Variants in RYR2 observed in about 807,000 individuals in gnomAD.
The protein encoded by RYR2 is ryanodine receptor 2.
RYR2 carries 227 observed loss-of-function variants against 601.1 expected under a neutral mutation model. The observed-to-expected ratio is 0.38, with a 90% CI of 0.34 to 0.42. The LOEUF is 0.42. Among genes scored for constraint, RYR2 ranks in the 10% least tolerant of loss-of-function variants. RYR2 has a pLI of 1.00. For synonymous variants in RYR2, 2,223 were observed against 2,175.1 expected (o/e 1.02, Z -0.61); for missense variants, 4,646 against 6,156.5 (o/e 0.75, Z 8.21).
chr1:237,241,630 A>C (rs1020410909), intron 1 of RYR2, among the ~76,000 whole-genome samples: 9 of 152,234 alleles, frequency 5.9e-5, no homozygotes, highest in African/African-American at 1.7e-4. Flanking sequence ...CTCCATAGGC[A>C]GAGCAGCTCC....
At chr1:237,397,724 C>CTTT (rs71561869) in intron 10 of RYR2, among the ~76,000 whole-genome samples, 5 of 140,996 alleles carry the variant, frequency 3.5e-5, no homozygotes, top group East Asian at 2.1e-4. Flanking sequence ...AATTTGGTAT[C>CTTT]TTTTTTTTTT....
intron 2 of RYR2, among the ~76,000 whole-genome samples, chr1:237,296,002 T>A (rs1692741683): frequency 6.6e-6 from 1 of 152,228 alleles, no homozygotes; most frequent in Non-Finnish European, 1.5e-5. Context: ...AGTAAGGTGA[T>A]GGGTCTGTTG....
chr1:237,074,216 C>T (rs1664731396), intron 1 of RYR2, among the ~76,000 whole-genome samples: 1 of 152,108 alleles, frequency 6.6e-6, no homozygotes, highest in Non-Finnish European at 1.5e-5. Context: ...ACTTGGGAGG[C>T]TGAGGCAGGA....
chr1:237,551,848 T>C (rs1670438978), intron 27 of RYR2, among the ~76,000 whole-genome samples: 1 of 152,312 alleles, frequency 6.6e-6, no homozygotes, highest in Admixed American at 6.5e-5. Flanking sequence ...CAGTAACTCT[T>C]ATGAGGATGA....
intron 60 of RYR2, among the ~76,000 whole-genome samples, chr1:237,675,448 C>T (rs1416801054): frequency 9.2e-5 from 14 of 152,190 alleles, no homozygotes; most frequent in Admixed American, 8.5e-4. Flanking sequence ...GGTCCTCCCA[C>T]ATTGTTGAAT....
intron 1 of RYR2, among the ~76,000 whole-genome samples, chr1:237,095,898 G>A (rs186697407): frequency 6.6e-6 from 1 of 152,354 alleles, no homozygotes; most frequent in Admixed American, 6.5e-5. Flanking sequence ...TGACCTTGAA[G>A]TCTGGGCATT....
At chr1:237,290,222 C>T (rs534320057) in intron 2 of RYR2, among the ~76,000 whole-genome samples, 21 of 152,226 alleles carry the variant, frequency 1.4e-4, no homozygotes, top group South Asian at 8.3e-4. Context: ...ATGGATGCAA[C>T]GCAAAATCTT....
chr1:237,606,403 A>G (rs1256256365), intron 35 of RYR2, among the ~76,000 whole-genome samples: 1 of 152,208 alleles, frequency 6.6e-6, no homozygotes, highest in African/African-American at 2.4e-5. Flanking sequence ...CTTACACCTT[A>G]TACAAAAATT....
intron 10 of RYR2, among the ~76,000 whole-genome samples, chr1:237,388,739 A>T (rs1702140568): frequency 6.6e-6 from 1 of 152,222 alleles, no homozygotes; most frequent in Non-Finnish European, 1.5e-5. Flanking sequence ...CACAAATATT[A>T]CAAAACCATA....
chr1:237,550,337 G>T (rs916459356), intron 26 of RYR2, among the ~76,000 whole-genome samples: 1 of 152,034 alleles, frequency 6.6e-6, no homozygotes, highest in Non-Finnish European at 1.5e-5. Context: ...TCATGGAGAG[G>T]GTCTGCTTTC....
intron 29 of RYR2, among the ~76,000 whole-genome samples, chr1:237,589,316 A>T (rs1674888745): frequency 6.6e-6 from 1 of 152,146 alleles, no homozygotes; most frequent in Admixed American, 6.6e-5. Flanking sequence ...TGAGCTATGT[A>T]TGAGGAAATC....
intron 5 of RYR2, 109 bp downstream of exon 5, chr1:237,364,481 A>T: frequency 6.3e-6 from 3 of 478,690 alleles, no homozygotes; most frequent in Non-Finnish European, 7.2e-6. Context: ...TATATATATG[A>T]CAGATATATA....
chr1:237,565,179 CTTTCTTTCTTTCTTT>C (rs1559035859), intron 27 of RYR2, among the ~76,000 whole-genome samples: 27,890 of 120,166 alleles, frequency 0.23, 3,839 homozygotes, highest in East Asian at 0.4. Context: ...TTCTTTCTTT[CTTTCTTTCTTTCTTT>C]CTTTCTTTCT....
chr1:237,109,793 G>C lies in RYR2; in HGVS notation c.48+67224G>C, dbSNP rs572536796. Among the ~76,000 whole-genome samples the C allele has an allele frequency of 3.3e-5, 5 of 151,968 alleles. No homozygotes were observed. In the South Asian group the frequency reaches 1.0e-3, roughly 32 times the overall value. On this transcript the variant is annotated intron_variant, in intron 1 of 104. Coordinates refer to ENST00000366574, the MANE Select transcript of RYR2 (RefSeq NM_001035.3). ...CGGAAATTTACATGATTGCCAACCT[G>C]ACTACTGATATTTTCCAAGGAAGAT...
chr1:237,597,713 G>T (rs923465058), intron 34 of RYR2, among the ~76,000 whole-genome samples: 11 of 152,060 alleles, frequency 7.2e-5, no homozygotes, highest in African/African-American at 2.4e-4. Flanking sequence ...AAAGGGAAAG[G>T]TATCAAAGCT....
At chr1:237,740,068 T>C (rs1484815102) in intron 79 of RYR2, among the ~76,000 whole-genome samples, 1 of 152,242 alleles carries the variant, frequency 6.6e-6, no homozygotes, top group Admixed American at 6.5e-5. Context: ...TTTAGCATTC[T>C]GATCCAGAAA....
intron 2 of RYR2, among the ~76,000 whole-genome samples, chr1:237,308,325 T>C (rs1277275291): frequency 6.6e-6 from 1 of 152,206 alleles, no homozygotes; most frequent in Non-Finnish European, 1.5e-5. Context: ...GGTGGACACG[T>C]TCCTCCTCTT....
rs149516384 is a variant in RYR2 at position 237,615,992 on chromosome 1, G to T, written c.5715+1149G>T. Among the ~76,000 whole-genome samples the T allele has an allele frequency of 8.3e-3, 1,239 of 149,312 alleles. 24 individuals carry two copies. The highest frequency in any genetic ancestry group is 0.03 in the African/African-American group (1,170 of 38,882). On this transcript the variant is annotated intron_variant, in intron 37 of 104. Transcript: ENST00000366574. Reference sequence around the variant, plus strand: ...CAAATAGCCCAGCAAAGGTCCTGAGGCAGGAAAAGGCCAGTGTGGCTGCTG... The same window carrying T: ...CAAATAGCCCAGCAAAGGTCCTGAGTCAGGAAAAGGCCAGTGTGGCTGCTG...
At chr1:237,422,989 T>A in intron 11 of RYR2, 103 bp from the exon 12 acceptor site, 3 of 1,334,026 alleles carry the variant, frequency 2.2e-6, no homozygotes, top group Non-Finnish European at 3.0e-6. Flanking sequence ...TTGAGAACAT[T>A]AAGACAATAT....
Sources: allele counts gnomAD v4.1 joint callset (sites outside exome capture counted in the v4.1 genomes callset), GRCh38; gene constraint gnomAD v4.1.1; transcripts MANE v1.5; gene names NCBI Gene and HGNC (gene_info 2026-07-23, HGNC 2026-07-21).